LRP1B: variants seen among roughly 807,000 people sequenced by gnomAD.
LRP1B encodes LDL receptor related protein 1B, also known as low-density lipoprotein receptor-related protein 1B.
LRP1B carries 217 observed loss-of-function variants against 556.6 expected under a neutral mutation model. The observed-to-expected ratio is 0.39, with a 90% confidence interval of 0.35 to 0.44. The LOEUF (loss-of-function observed/expected upper bound fraction) is 0.44. Ranked by LOEUF, LRP1B falls within the 20% of genes least tolerant of loss-of-function variation. LRP1B has a pLI of 1.00. For synonymous variants in LRP1B, 2,047 were observed against 1,865.8 expected (o/e 1.10, Z -2.50); for missense variants, 5,053 against 5,620.8 (o/e 0.90, Z 3.23).
At chr2:141,992,730 G>A (rs1309164493) in intron 1 of LRP1B, among the ~76,000 whole-genome samples, 1 of 152,054 alleles carries the variant, frequency 6.6e-6, no homozygotes, top group East Asian at 1.9e-4. Flanking sequence ...AATTCACTCT[G>A]TGTCAGGATT....
At chr2:140,769,929 T>C (rs539220827) in intron 34 of LRP1B, among the ~76,000 whole-genome samples, 31 of 152,078 alleles carry the variant, frequency 2.0e-4, no homozygotes, top group Non-Finnish European at 4.3e-4. Flanking sequence ...TTCTCTGGCA[T>C]CAAAAGCCTG....
intron 7 of LRP1B, among the ~76,000 whole-genome samples, chr2:141,187,928 C>T (rs1169814080): frequency 1.3e-5 from 2 of 151,798 alleles, no homozygotes; most frequent in Admixed American, 6.6e-5. Context: ...AGTCATCGAA[C>T]GTAAGAGTCT....
At chr2:141,506,237 G>T (rs1340187408) in intron 2 of LRP1B, among the ~76,000 whole-genome samples, 1 of 152,054 alleles carries the variant, frequency 6.6e-6, no homozygotes, top group Non-Finnish European at 1.5e-5. Context: ...AGTGAATATT[G>T]TTTCGTGAAA....
intron 7 of LRP1B, among the ~76,000 whole-genome samples, chr2:141,130,822 C>T (rs1701330723): frequency 6.6e-6 from 1 of 152,048 alleles, no homozygotes; most frequent in Admixed American, 6.6e-5. Context: ...GGCACATATA[C>T]ACCATGGGAT....
chr2:141,325,637 T>C (rs958300372), intron 3 of LRP1B, among the ~76,000 whole-genome samples: 1 of 152,128 alleles, frequency 6.6e-6, no homozygotes, highest in African/African-American at 2.4e-5. Flanking sequence ...CAAGTTTCTT[T>C]AGAGTTTTCT....
chr2:140,374,409 A>G (rs1683131580), intron 68 of LRP1B, among the ~76,000 whole-genome samples: 1 of 152,136 alleles, frequency 6.6e-6, no homozygotes, highest in African/African-American at 2.4e-5. Context: ...CACTTTCTAA[A>G]TTCCTGAAAT....
chr2:140,682,676 G>GTGTGTT (rs1685901249), intron 41 of LRP1B, among the ~76,000 whole-genome samples: 1 of 2,446 alleles, frequency 4.1e-4, no homozygotes. Context: ...AGAGTATTGC[G>GTGTGTT]TGTGTGTGTG....
At chr2:141,701,503 G>A (rs1240235036) in intron 2 of LRP1B, among the ~76,000 whole-genome samples, 1 of 151,604 alleles carries the variant, frequency 6.6e-6, no homozygotes, top group Non-Finnish European at 1.5e-5. Context: ...AGCATATCTG[G>A]GTTCACATCT....
intron 2 of LRP1B, among the ~76,000 whole-genome samples, chr2:141,541,204 G>A (rs973406641): frequency 2.6e-5 from 4 of 151,918 alleles, no homozygotes; most frequent in African/African-American, 4.8e-5. Flanking sequence ...TTCCAATAGA[G>A]GTTCCAGGTG....
At chr2:142,059,928 T>G (rs1033599414) in intron 1 of LRP1B, among the ~76,000 whole-genome samples, 2 of 152,046 alleles carry the variant, frequency 1.3e-5, no homozygotes, top group African/African-American at 2.4e-5. Flanking sequence ...TTATTTAGAG[T>G]GTTGAATGCC....
chr2:141,215,571 T>C (rs1268103321), intron 6 of LRP1B, among the ~76,000 whole-genome samples: 1 of 152,192 alleles, frequency 6.6e-6, no homozygotes, highest in Non-Finnish European at 1.5e-5. Flanking sequence ...CAAATGCTGA[T>C]ACTAATATGG....
chr2:140,482,759 G>C (rs892996367), intron 59 of LRP1B, among the ~76,000 whole-genome samples: 6 of 151,582 alleles, frequency 4.0e-5, no homozygotes, highest in African/African-American at 1.5e-4. Flanking sequence ...TAATACATAG[G>C]ACAGCCTAAT....
intron 43 of LRP1B, among the ~76,000 whole-genome samples, chr2:140,548,866 A>G (rs1478260550): frequency 6.6e-6 from 1 of 152,118 alleles, no homozygotes. Context: ...CAAAGGTTGC[A>G]GTGAGCCAAG....
At chr2:141,093,366 G>A (rs955077659) in intron 7 of LRP1B, among the ~76,000 whole-genome samples, 1 of 152,144 alleles carries the variant, frequency 6.6e-6, no homozygotes, top group African/African-American at 2.4e-5. Context: ...AGAATAAAAT[G>A]TGTCAAGGAG....
chr2:140,670,644 C>T (rs1685446519), intron 41 of LRP1B, among the ~76,000 whole-genome samples: 1 of 151,208 alleles, frequency 6.6e-6, no homozygotes, highest in African/African-American at 2.4e-5. Flanking sequence ...AACTGAGGAA[C>T]CAATGTTATA....
chr2:141,600,268 TC>T (rs1304665091), intron 2 of LRP1B, among the ~76,000 whole-genome samples: 1 of 152,150 alleles, frequency 6.6e-6, no homozygotes, highest in Non-Finnish European at 1.5e-5. Context: ...AATACCCAAG[TC>T]CCTCTCCAGA....
intron 84 of LRP1B, among the ~76,000 whole-genome samples, chr2:140,281,198 T>G (rs1682898638): frequency 6.6e-6 from 1 of 151,948 alleles, no homozygotes; most frequent in African/African-American, 2.4e-5. Flanking sequence ...AGTAATAGAC[T>G]CTACATAAAA....
chr2:140,748,773 AATATGT>A (rs1235293096), intron 35 of LRP1B, among the ~76,000 whole-genome samples: 11 of 40,864 alleles, frequency 2.7e-4, no homozygotes, highest in African/African-American at 9.5e-4. Flanking sequence ...ACATGTATAT[AATATGT>A]ATATAATATA....
At chr2:140,271,323 A>G (rs72892210) in intron 85 of LRP1B, among the ~76,000 whole-genome samples, 9,781 of 151,984 alleles carry the variant, frequency 0.064, 450 homozygotes, top group African/African-American at 0.13. Flanking sequence ...CTATGAAACA[A>G]TCAATGGTAT....
Sources: gnomAD v4.1 joint callset for allele counts (sites outside exome capture counted in the v4.1 genomes callset) on GRCh38, gnomAD v4.1.1 for gene constraint, MANE v1.5 for transcripts, NCBI Gene and HGNC (gene_info 2026-07-23, HGNC 2026-07-21) for gene names.